The following ZNF804B variants were observed in gnomAD, a reference collection of about 807,000 sequenced individuals.
ZNF804B encodes zinc finger 804B.
A neutral mutation model predicts 101.4 loss-of-function variants in ZNF804B; 80 were observed. That is an observed-to-expected ratio of 0.79 (90% CI 0.66 to 0.95). The LOEUF (loss-of-function observed/expected upper bound fraction) is 0.95. ZNF804B is among the 40% of genes least tolerant of loss of function. ZNF804B has a pLI of 0.00. For synonymous variants in ZNF804B, 622 were observed against 558.8 expected (o/e 1.11, Z -1.59); for missense variants, 1,673 against 1,561.9 (o/e 1.07, Z -1.20).
At chr7:89,228,258 T>G (rs1789127982) in intron 2 of ZNF804B, among the ~76,000 whole-genome samples, 1 of 151,786 alleles carries the variant, frequency 6.6e-6, no homozygotes, top group Non-Finnish European at 1.5e-5. Flanking sequence ...CAGCAGGATT[T>G]ATTGCAAAGA....
At chr7:89,020,983 C>T (rs1584077896) in intron 1 of ZNF804B, among the ~76,000 whole-genome samples, 1 of 152,086 alleles carries the variant, frequency 6.6e-6, no homozygotes, top group African/African-American at 2.4e-5. Flanking sequence ...TTATCTGTTA[C>T]TAGAAAATTA....
intron 1 of ZNF804B, among the ~76,000 whole-genome samples, chr7:88,864,798 G>A (rs1427959491): frequency 6.6e-6 from 1 of 152,150 alleles, no homozygotes; most frequent in Non-Finnish European, 1.5e-5. Context: ...TGTGGCAGTG[G>A]CAGCTATGGT....
intron 2 of ZNF804B, among the ~76,000 whole-genome samples, chr7:89,262,596 C>CT (rs1266565454): frequency 6.6e-6 from 1 of 152,058 alleles, no homozygotes; most frequent in East Asian, 1.9e-4. Context: ...ATCTTTTTAT[C>CT]TTTTTTTCCA....
chr7:88,957,649 A>G lies in ZNF804B; in HGVS notation c.108+197565A>G, dbSNP rs1440509517. The stretch of plus-strand genomic sequence containing the variant: ...TTTTATATTATTCTCACAATTGAGG[A>G]ATTTGACTTTTAGGTGGATGAGATT... On this transcript the variant is annotated intron_variant, in intron 1 of 3. Transcript: ENST00000333190. Among the ~76,000 whole-genome samples, 2 of 151,282 alleles carry G rather than the reference A, an allele frequency of 1.3e-5. 1 individual carries two copies. The highest frequency in any genetic ancestry group is 4.2e-4 in the South Asian group (2 of 4,816).
At chr7:89,186,966 G>GC (rs1788383438) in intron 1 of ZNF804B, among the ~76,000 whole-genome samples, 1 of 152,052 alleles carries the variant, frequency 6.6e-6, no homozygotes, top group Admixed American at 6.6e-5. Context: ...CACTTTTCTA[G>GC]CCCCTGCCTT....
At chr7:89,071,088 C>CTATGTACATAATAT (rs1789531514) in intron 1 of ZNF804B, among the ~76,000 whole-genome samples, 1 of 152,012 alleles carries the variant, frequency 6.6e-6, no homozygotes, top group East Asian at 1.9e-4. Flanking sequence ...CATACTAATA[C>CTATGTACATAATAT]TATGTACATA....
chr7:88,921,516 T>TTCACATATTCC (rs1472880799), intron 1 of ZNF804B, among the ~76,000 whole-genome samples: 3 of 152,178 alleles, frequency 2.0e-5, no homozygotes, highest in Admixed American at 6.6e-5. Context: ...GTGACATTTA[T>TTCACATATTCC]AGGGAACCAT....
At chr7:89,261,603 A>G (rs1436960864) in intron 2 of ZNF804B, among the ~76,000 whole-genome samples, 2 of 152,166 alleles carry the variant, frequency 1.3e-5, no homozygotes, top group African/African-American at 4.8e-5. Flanking sequence ...GGGAACACCA[A>G]AAACTGCACT....
At chr7:89,070,933 A>G (rs1251349102) in intron 1 of ZNF804B, among the ~76,000 whole-genome samples, 1 of 152,030 alleles carries the variant, frequency 6.6e-6, no homozygotes, top group Non-Finnish European at 1.5e-5. Flanking sequence ...CCCAGTATCA[A>G]TGGAGGAGTG....
chr7:88,888,650 CTGTT>C (rs1792170060), intron 1 of ZNF804B, among the ~76,000 whole-genome samples: 1 of 152,018 alleles, frequency 6.6e-6, no homozygotes, highest in Non-Finnish European at 1.5e-5. Flanking sequence ...ATTACTATAA[CTGTT>C]TGAATGTTTT....
chr7:89,059,680 A>G (rs940978674), intron 1 of ZNF804B, among the ~76,000 whole-genome samples: 1 of 152,186 alleles, frequency 6.6e-6, no homozygotes, highest in Non-Finnish European at 1.5e-5. Context: ...GAAATAAAAT[A>G]TAGTTTAAAG....
rs188233586 is a variant in ZNF804B, at chr7:89,299,290, C to G, written c.250-28054C>G. The stretch of plus-strand genomic sequence containing the variant: ...TTACTCTAGGAATTCTATGTTATGT[C>G]CTATTATCAGGTCACACAGCCCAAA... On this transcript the variant is annotated intron_variant, in intron 2 of 3. Coordinates refer to ENST00000333190, the MANE Select transcript of ZNF804B (RefSeq NM_181646.5). 3.3e-5 allele frequency among the ~76,000 whole-genome samples: 5 copies of G among 152,050 alleles called. No homozygotes were observed. In the East Asian group the frequency reaches 7.7e-4, roughly 24 times the overall value.
chr7:88,843,014 C>T (rs1353997555), intron 1 of ZNF804B, among the ~76,000 whole-genome samples: 4 of 152,078 alleles, frequency 2.6e-5, no homozygotes, highest in African/African-American at 9.7e-5. Flanking sequence ...AATTTATTTT[C>T]TGCTTTTTAA....
chr7:88,920,370 G>C (rs776508533), intron 1 of ZNF804B, among the ~76,000 whole-genome samples: 4 of 151,906 alleles, frequency 2.6e-5, no homozygotes, highest in African/African-American at 7.3e-5. Context: ...AATTTACCTG[G>C]ATATCCTTAT....
At chr7:89,110,947 C>T (rs59915040) in intron 1 of ZNF804B, among the ~76,000 whole-genome samples, 2,768 of 152,052 alleles carry the variant, frequency 0.018, 89 homozygotes, top group African/African-American at 0.063. Flanking sequence ...TATAGTTTTT[C>T]TTTTTCAAGG....
At chr7:89,228,624 T>C (rs1789133836) in intron 2 of ZNF804B, among the ~76,000 whole-genome samples, 1 of 152,190 alleles carries the variant, frequency 6.6e-6, no homozygotes, top group Non-Finnish European at 1.5e-5. Context: ...TACAGAGTGC[T>C]GATTGGTGTA....
chr7:88,917,349 A>G (rs1792650747), intron 1 of ZNF804B, among the ~76,000 whole-genome samples: 1 of 152,188 alleles, frequency 6.6e-6, no homozygotes, highest in African/African-American at 2.4e-5. Flanking sequence ...TTTGGTTGGA[A>G]CATGTTAAAA....
chr7:88,891,616 A>G (rs1346106287), intron 1 of ZNF804B, among the ~76,000 whole-genome samples: 1 of 144,888 alleles, frequency 6.9e-6, no homozygotes, highest in Non-Finnish European at 1.5e-5. Flanking sequence ...TGACTTTTCT[A>G]AGTAGATTTT....
intron 1 of ZNF804B, among the ~76,000 whole-genome samples, chr7:89,083,584 A>T (rs1789729230): frequency 6.6e-6 from 1 of 151,908 alleles, no homozygotes; most frequent in Admixed American, 6.6e-5. Flanking sequence ...ATATGTCTGA[A>T]TAATACTTAC....
Sources: gnomAD v4.1 joint callset for allele counts (sites outside exome capture counted in the v4.1 genomes callset) on GRCh38, gnomAD v4.1.1 for gene constraint, MANE v1.5 for transcripts, NCBI Gene and HGNC (gene_info 2026-07-23, HGNC 2026-07-21) for gene names.